Variants in SPOCK1 observed in about 807,000 individuals in gnomAD.
SPOCK1 encodes the protein testican-1.
SPOCK1 carries 23 observed loss-of-function variants against 55.3 expected under a neutral mutation model. The observed-to-expected ratio is 0.42, with a 90% confidence interval of 0.30 to 0.59. SPOCK1 has a LOEUF of 0.59. SPOCK1 is among the 20% of genes least tolerant of loss of function. SPOCK1 has a pLI of 0.22. For synonymous variants in SPOCK1, 226 were observed against 221.0 expected (o/e 1.02, Z -0.20); for missense variants, 499 against 552.5 (o/e 0.90, Z 0.97).
intron 3 of SPOCK1, among the ~76,000 whole-genome samples, chr5:137,263,823 A>G (rs979034013): frequency 1.3e-5 from 2 of 152,188 alleles, no homozygotes; most frequent in African/African-American, 4.8e-5. Flanking sequence ...TACTCCACTG[A>G]CAGAAACATT....
intron 2 of SPOCK1, among the ~76,000 whole-genome samples, chr5:137,269,870 G>A (rs1756927401): frequency 6.6e-6 from 1 of 152,018 alleles, no homozygotes; most frequent in African/African-American, 2.4e-5. Flanking sequence ...ACCAAGGCTG[G>A]GCATTTCACC....
chr5:137,332,098 CCT>C (rs1456815901), intron 2 of SPOCK1, among the ~76,000 whole-genome samples: 1 of 152,088 alleles, frequency 6.6e-6, no homozygotes, highest in Admixed American at 6.5e-5. Context: ...CTTCTTTTCC[CCT>C]CTCTGGCCCT....
chr5:137,390,554 G>T (rs1440437751), intron 2 of SPOCK1, among the ~76,000 whole-genome samples: 1 of 152,192 alleles, frequency 6.6e-6, no homozygotes, highest in Middle Eastern at 3.2e-3. Flanking sequence ...GAGGACAGCT[G>T]CTCAGGCTTG....
At chr5:137,298,336 A>T (rs1025971405) in intron 2 of SPOCK1, among the ~76,000 whole-genome samples, 1 of 152,168 alleles carries the variant, frequency 6.6e-6, no homozygotes, top group African/African-American at 2.4e-5. Context: ...CTAATTTCTA[A>T]TTCAATTCCA....
rs114627380 is a variant in SPOCK1 at position 137,452,565 on chromosome 5, C to T, written c.186+45808G>A. ...TTTTAATTTGAATGTGTCTAACAGA[C>T]ATCCTAAAAATTGAGATTGTAATGT... is the stretch of plus-strand genomic sequence containing the variant. On this transcript the variant is annotated intron_variant, in intron 2 of 10. Coordinates refer to ENST00000394945, the MANE Select transcript of SPOCK1 (RefSeq NM_004598.4). Among the ~76,000 whole-genome samples the T allele has an allele frequency of 2.7e-3, 408 of 152,280 alleles. 1 individual carries two copies. Among genetic ancestry groups the T allele is most frequent in the African/African-American group, 9.5e-3 (393 of 41,572 alleles).
At chr5:137,275,991 A>C (rs540041373) in intron 2 of SPOCK1, among the ~76,000 whole-genome samples, 1 of 152,264 alleles carries the variant, frequency 6.6e-6, no homozygotes, top group Admixed American at 6.5e-5. Context: ...AGCCCTGCCC[A>C]GGCTGTTCAC....
intron 6 of SPOCK1, among the ~76,000 whole-genome samples, chr5:137,038,541 G>A (rs1038679159): frequency 6.6e-6 from 1 of 152,226 alleles, no homozygotes; most frequent in African/African-American, 2.4e-5. Context: ...GCAGGGAAGG[G>A]CAAAGGGAAT....
chr5:137,247,856 C>A (rs139056475), intron 3 of SPOCK1, among the ~76,000 whole-genome samples: 1 of 152,150 alleles, frequency 6.6e-6, no homozygotes, highest in African/African-American at 2.4e-5. Flanking sequence ...GAGAACTAAT[C>A]AGTCTCACAA....
intron 2 of SPOCK1, among the ~76,000 whole-genome samples, chr5:137,393,601 A>G (rs1751775913): frequency 6.6e-6 from 1 of 152,250 alleles, no homozygotes; most frequent in Admixed American, 6.5e-5. Context: ...TAGAAAGGGA[A>G]GATCACAGAC....
intron 2 of SPOCK1, among the ~76,000 whole-genome samples, chr5:137,481,920 C>G (rs1390601497): frequency 6.6e-6 from 1 of 151,938 alleles, no homozygotes; most frequent in Non-Finnish European, 1.5e-5. Flanking sequence ...TAGAATTGCT[C>G]AGGAGTTACA....
At chr5:137,356,814 T>A in intron 2 of SPOCK1, among the ~76,000 whole-genome samples, 1 of 15,676 alleles carries the variant, frequency 6.4e-5, no homozygotes, top group Non-Finnish European at 1.2e-4. Flanking sequence ...TATATATATA[T>A]ATATATATAT....
intron 3 of SPOCK1, among the ~76,000 whole-genome samples, chr5:137,208,113 GC>G (rs1487687419): frequency 1.3e-5 from 2 of 151,852 alleles, no homozygotes; most frequent in African/African-American, 2.4e-5. Context: ...TTTTCTCTTT[GC>G]CCCCAATTAT....
chr5:137,054,051 CTGTGTGTA>C (rs1186840199), intron 6 of SPOCK1, among the ~76,000 whole-genome samples: 1 of 151,934 alleles, frequency 6.6e-6, no homozygotes, highest in African/African-American at 2.4e-5. Flanking sequence ...AGATCCATGT[CTGTGTGTA>C]TGTGTGTGTG....
chr5:137,233,546 C>A (rs1227210769), intron 3 of SPOCK1, among the ~76,000 whole-genome samples: 1 of 151,964 alleles, frequency 6.6e-6, no homozygotes, highest in East Asian at 1.9e-4. Flanking sequence ...GCTGTGTGAC[C>A]CTGTTCCTAA....
At chr5:137,087,351 TCAA>T (rs1213821479) in intron 5 of SPOCK1, among the ~76,000 whole-genome samples, 5 of 152,226 alleles carry the variant, frequency 3.3e-5, no homozygotes, top group Non-Finnish European at 7.3e-5. Context: ...TCTCTGCGCT[TCAA>T]CATCTTGCTC....
At chr5:137,429,830 A>C (rs1304822844) in intron 2 of SPOCK1, among the ~76,000 whole-genome samples, 2 of 152,224 alleles carry the variant, frequency 1.3e-5, no homozygotes, top group African/African-American at 4.8e-5. Context: ...AGAGATCTCT[A>C]TTCAAATCCT....
intron 6 of SPOCK1, among the ~76,000 whole-genome samples, chr5:137,029,884 C>T (rs954306686): frequency 2.0e-5 from 3 of 152,180 alleles, no homozygotes; most frequent in Non-Finnish European, 4.4e-5. Flanking sequence ...GTTTTGTTTA[C>T]TACAAACTGG....
Position 136,988,053 on chromosome 5 carries a change from G to C in SPOCK1, c.928+369C>G, listed in dbSNP as rs1197058931. Among the ~76,000 whole-genome samples, 5 of 152,092 alleles carry C rather than the reference G, an allele frequency of 3.3e-5. No homozygotes were observed. The East Asian group carries it at 7.7e-4, about 23-fold the overall frequency. On this transcript the variant is annotated intron_variant, in intron 8 of 10. Transcript: ENST00000394945. The stretch of plus-strand genomic sequence containing the variant: ...GACAAGTGACTTTCTCAATGAGAAT[G>C]ATTTTCATTGTCTCTTACATTTTTA...
At chr5:137,162,442 T>C (rs746566825) in intron 3 of SPOCK1, among the ~76,000 whole-genome samples, 5 of 152,154 alleles carry the variant, frequency 3.3e-5, no homozygotes, top group East Asian at 1.9e-4. Flanking sequence ...CCTGGCCTTA[T>C]AATGCTTTCT....
Sources: gnomAD v4.1 joint callset for allele counts (sites outside exome capture counted in the v4.1 genomes callset) on GRCh38, gnomAD v4.1.1 for gene constraint, MANE v1.5 for transcripts, NCBI Gene and HGNC (gene_info 2026-07-23, HGNC 2026-07-21) for gene names.